Variants in SNED1 observed in about 807,000 individuals in gnomAD.
The protein encoded by SNED1 is sushi, nidogen and EGF like domains 1.
In SNED1, 81 loss-of-function variants were observed where a neutral mutation model predicts 166.7. That is an observed-to-expected ratio of 0.49 (90% confidence interval 0.41 to 0.58). The LOEUF is 0.58. Among genes scored for constraint, SNED1 ranks in the 20% least tolerant of loss-of-function variants. SNED1 has a pLI of 0.00. For synonymous variants in SNED1, 762 were observed against 822.0 expected, an observed-to-expected ratio of 0.93 and a Z score of 1.25; for missense variants, 1,604 against 2,000.2, an observed-to-expected ratio of 0.80 and a Z score of 3.78.
intron 31 of SNED1, chr2:241,088,604 G>A: frequency 1.7e-6 from 1 of 583,362 alleles, no homozygotes; most frequent in East Asian, 2.9e-5. Context: ...ACCTGGTCTA[G>A]CCACTGACAA....
intron 2 of SNED1, among the ~76,000 whole-genome samples, chr2:241,032,220 G>C (rs1218046978): frequency 1.3e-5 from 2 of 151,980 alleles, no homozygotes; most frequent in East Asian, 3.9e-4. Context: ...TGTGATGGCG[G>C]GTGCCTGTAA....
In SNED1 at chr2:241,088,406, C is replaced by T. The variant is rs376903624; in HGVS notation, c.*1+4C>T. The T allele has an allele frequency of 5.6e-6, 9 of 1,609,706 alleles. No homozygotes were observed. The highest frequency in any genetic ancestry group is 4.0e-5 in the African/African-American group (3 of 74,856). On this transcript the variant is annotated splice_donor_region_variant and intron_variant, in intron 31 of 31. Coordinates refer to ENST00000310397, the MANE Select transcript of SNED1 (RefSeq NM_001080437.3). ...CAGACACTGGAGAAATCTTAAGGTA[C>T]GTCCCTGCTGCTCCCGCCCCACTAC...
At chr2:240,998,093 C>T (rs2059967576), upstream of SNED1, among the ~76,000 whole-genome samples, 1 of 152,276 alleles carries the variant, frequency 6.6e-6, no homozygotes, top group South Asian at 2.1e-4. Context: ...AGGAATTTCT[C>T]CTGATGCGGC....
chr2:241,000,572 C>A (rs2060048869), intron 1 of SNED1, among the ~76,000 whole-genome samples: 1 of 152,184 alleles, frequency 6.6e-6, no homozygotes, highest in African/African-American at 2.4e-5. Context: ...GCATTTGGGC[C>A]AGGCTCAGCT....
At position 241,062,791 on chromosome 2, in the gene SNED1, A is replaced by G. The variant is rs199778354; in HGVS notation, c.2258A>G (p.Glu753Gly). Residue 753 changes from glutamate (E) to glycine (G), a missense_variant and splice_region_variant, in exon 17 of 32, where the codon GAA becomes GGA. Physicochemically the swap from Glu to Gly is moderately conservative, Grantham distance 98. This residue lies in a region of SNED1 where 1,237 missense variants were observed against 1,620.8 expected (regional missense o/e 0.76). Transcript: ENST00000310397. The part of the protein sequence containing the change: ...GVWSEPPQCL[E>G]IDECRSQPCL... ...TTATTCTTGGGCTCTCTCCTCTCAGAAATCGATGAGTGCCGGTCTCAGCCG... is the reference window on the plus strand; with the variant it reads ...TTATTCTTGGGCTCTCTCCTCTCAGGAATCGATGAGTGCCGGTCTCAGCCG... The G allele has an allele frequency of 3.1e-6, 5 of 1,606,074 alleles. No homozygotes were observed. Among genetic ancestry groups the G allele is most frequent in the Non-Finnish European group, 4.3e-6 (5 of 1,175,672 alleles).
chr2:241,015,155 G>C (rs375878195), intron 1 of SNED1, among the ~76,000 whole-genome samples: 7 of 152,314 alleles, frequency 4.6e-5, no homozygotes, highest in African/African-American at 1.7e-4. Context: ...ACACACACCT[G>C]TTGTGATATT....
chr2:241,079,053 G>A (rs543275159), intron 27 of SNED1, among the ~76,000 whole-genome samples: 53 of 148,290 alleles, frequency 3.6e-4, no homozygotes, highest in Non-Finnish European at 5.2e-4. Flanking sequence ...GGCGGAGGCT[G>A]CAGCGAGCCG....
chr2:241,025,846 G>T (rs2060945618), intron 1 of SNED1, among the ~76,000 whole-genome samples: 1 of 151,654 alleles, frequency 6.6e-6, no homozygotes, highest in African/African-American at 2.4e-5. Flanking sequence ...CAGTCTACTT[G>T]CAATGCCCCT....
chr2:241,088,551 C>A, intron 31 of SNED1, 149 bp downstream of exon 31: 1 of 673,580 alleles, frequency 1.5e-6, no homozygotes, highest in Non-Finnish European at 2.6e-6. Flanking sequence ...TACAGACTCC[C>A]GGGCAGGAAG....
At position 241,093,748 on chromosome 2, in the gene SNED1, T is replaced by A. The variant is rs1247669341; in HGVS notation, c.*2112T>A. 1 of 152,328 alleles carries A rather than the reference T, an allele frequency of 6.6e-6. No homozygotes were observed. The highest frequency in any genetic ancestry group is 2.4e-5 in the African/African-American group (1 of 41,450). 9.4% of individuals were successfully genotyped at this position (152,328 alleles called of 1,614,324 possible). A position where few individuals can be genotyped will look rare whatever the true frequency, so the allele number is the denominator to read the frequency against. ...ACTTCCTGGTGCTCAGGAATTACAG[T>A]TCGTTCTTGAAACATTCCAAAGAGG... On this transcript the variant is annotated 3_prime_UTR_variant, in exon 32 of 32. Coordinates refer to ENST00000310397, the MANE Select transcript of SNED1 (RefSeq NM_001080437.3).
chr2:241,028,923 C>T (rs572828324), intron 1 of SNED1, among the ~76,000 whole-genome samples: 2 of 152,086 alleles, frequency 1.3e-5, no homozygotes, highest in East Asian at 3.9e-4. Flanking sequence ...TCCTGGACTG[C>T]GTATTTGTAA....
chr2:241,089,801 C>G (rs866808860), intron 31 of SNED1, among the ~76,000 whole-genome samples: 2 of 152,262 alleles, frequency 1.3e-5, no homozygotes, highest in African/African-American at 4.8e-5. Flanking sequence ...TTAGAACAAA[C>G]CTAGATGGCA....
At chr2:241,037,114 G>T in intron 5 of SNED1, 126 bp from the exon 6 acceptor site, 1 of 1,029,300 alleles carries the variant, frequency 9.7e-7, no homozygotes, top group East Asian at 2.6e-5. Context: ...GGCGGGTGCA[G>T]TTGCTGCCCT....
At chr2:241,006,586 T>G (rs1318130557) in intron 1 of SNED1, among the ~76,000 whole-genome samples, 2 of 152,234 alleles carry the variant, frequency 1.3e-5, no homozygotes, top group Non-Finnish European at 2.9e-5. Flanking sequence ...TGTGGCTTTG[T>G]GTTAGATTTG....
intron 15 of SNED1, among the ~76,000 whole-genome samples, chr2:241,052,787 GGCAGGTAAGGCC>G (rs2061912659): frequency 7.6e-6 from 1 of 131,932 alleles, no homozygotes; most frequent in Non-Finnish European, 1.5e-5. Flanking sequence ...GCTGGTGTCA[GGCAGGTAAGGCC>G]TGGGGGGCCC....
rs547587141 is a variant in SNED1, at chr2:241,069,041, G to T, written c.3307+18G>T. The T allele has an allele frequency of 1.8e-5, 28 of 1,516,880 alleles. No individual in the cohort carries two copies. The highest frequency in any genetic ancestry group is 2.1e-5 in the Non-Finnish European group (23 of 1,120,486). The allele number at this position is 1,516,880 out of a possible 1,614,324, so 94.0% of individuals were successfully genotyped here. ...GTGGACCCGTGAGTAGAGCAGCGCGGCCCCCGGCACACGAAAGGCCGTCTT... is the reference window on the plus strand; with the variant it reads ...GTGGACCCGTGAGTAGAGCAGCGCGTCCCCCGGCACACGAAAGGCCGTCTT... On this transcript the variant is annotated intron_variant, in intron 23 of 31. Coordinates refer to ENST00000310397, the MANE Select transcript of SNED1 (RefSeq NM_001080437.3). The surrounding 1 kb of genome is among the most constrained non-coding windows in gnomAD (Gnocchi z 4.9).
Position 241,093,448 on chromosome 2 carries a change from T to C in SNED1, c.*1812T>C, listed in dbSNP as rs2064177517. On this transcript the variant is annotated 3_prime_UTR_variant, in exon 32 of 32. Coordinates refer to ENST00000310397, the MANE Select transcript of SNED1 (RefSeq NM_001080437.3). ...CAGCAAATGCTAATATGCTCCAGTG[T>C]TAGCTTAGAAGCCTTGTGTCAACAA... 7.1e-6 allele frequency: 1 copy of C among 140,456 alleles called. No homozygotes were observed. The allele number at this position is 140,456 out of a possible 1,614,324, so 8.7% of individuals were successfully genotyped here.
intron 16 of SNED1, 139 bp downstream of exon 16, chr2:241,053,465 T>C: frequency 1.2e-6 from 1 of 853,114 alleles, no homozygotes; most frequent in Non-Finnish European, 1.8e-6. Context: ...CCCCTCAGTC[T>C]CCTGTCTGTG....
chr2:241,029,357 T>G (rs1256459554), intron 1 of SNED1, among the ~76,000 whole-genome samples: 1 of 152,236 alleles, frequency 6.6e-6, no homozygotes, highest in Non-Finnish European at 1.5e-5. Context: ...GAGGGCCCAC[T>G]TCCTGGGCCA....
Sources: allele counts gnomAD v4.1 joint callset (sites outside exome capture counted in the v4.1 genomes callset), GRCh38; gene constraint gnomAD v4.1.1; regional missense constraint gnomAD v4.1.1; non-coding constraint Gnocchi (gnomAD v3.1); transcripts MANE v1.5; gene names NCBI Gene and HGNC (gene_info 2026-07-23, HGNC 2026-07-21).